The following ASNS variants were observed in gnomAD, a reference collection of about 807,000 sequenced individuals.
ASNS encodes the protein asparagine synthetase (glutamine-hydrolyzing).
Under a neutral mutation model 62.6 loss-of-function variants are expected in ASNS, and 37 were observed. The ratio of observed to expected loss-of-function variants is 0.59; its 90% CI spans 0.45 to 0.78. ASNS has a LOEUF of 0.78. Ranked by LOEUF, ASNS falls within the 30% of genes least tolerant of loss-of-function variation. ASNS has a pLI of 0.00. For missense variants in ASNS, 520 were observed against 682.4 expected, an observed-to-expected ratio of 0.76 and a Z score of 2.65; for synonymous variants, 207 against 237.9, an observed-to-expected ratio of 0.87 and a Z score of 1.19.
At chr7:97,890,809 T>A in the ASNS span, among the ~76,000 whole-genome samples, 1 of 152,288 alleles carries the variant, frequency 6.6e-6, no homozygotes, top group Non-Finnish European at 1.5e-5. Flanking sequence ...AAAGACTGTT[T>A]GTTTGTGTCT....
chr7:97,853,182 A>T lies in ASNS; in HGVS notation c.1354T>A (p.Phe452Ile), dbSNP rs1292720619. 6.2e-7 allele frequency: 1 copy of T among 1,610,130 alleles called. No homozygotes were observed. The highest frequency in any genetic ancestry group is 1.1e-5 in the South Asian group (1 of 90,110). Residue 452 changes from phenylalanine (F) to isoleucine (I), a missense_variant, in exon 12 of 13, where the codon TTT (phenylalanine) becomes ATT (isoleucine). By Grantham distance (21) the Phe-to-Ile change is conservative. Transcript: ENST00000394308. The part of the protein sequence containing the change: ...GIEKHLLRET[F>I]EDSNLIPKEI... The stretch of plus-strand genomic sequence containing the variant: ...TTGGGTATCAGATTGGAATCCTCAA[A>T]CGTCTCTCTCAGGAGATGTTTTTCT...
chr7:97,912,699 C>T, the ASNS span, among the ~76,000 whole-genome samples: 4 of 150,094 alleles, frequency 2.7e-5, no homozygotes, highest in African/African-American at 7.3e-5. Context: ...TCTTGTGCCT[C>T]AGCCTCCTGA....
the ASNS span, among the ~76,000 whole-genome samples, chr7:97,882,972 G>T: frequency 6.6e-6 from 1 of 152,358 alleles, no homozygotes; most frequent in East Asian, 1.9e-4. Flanking sequence ...AGTGGGTTTG[G>T]CTGGAAATGC....
At chr7:97,906,428 T>C in the ASNS span, 1 of 250,058 alleles carries the variant, frequency 4.0e-6, no homozygotes, top group East Asian at 1.4e-4. Flanking sequence ...GTGCATCCAG[T>C]TGATGCCCCC....
the ASNS span, among the ~76,000 whole-genome samples, chr7:97,910,042 T>A: frequency 2.6e-5 from 4 of 152,110 alleles, no homozygotes; most frequent in African/African-American, 9.7e-5. Context: ...CAGACCTGAA[T>A]ACAAGTGATG....
rs148795435 is a variant in ASNS at position 97,853,779 on chromosome 7, G to A, written c.1239-393C>T. Among the ~76,000 whole-genome samples the A allele has an allele frequency of 4.4e-4, 67 of 152,214 alleles. 1 individual carries two copies. The East Asian group carries it at 0.013, about 29-fold the overall frequency. ...CATCTCTTCTAACAATTGTGATGAC[G>A]ATACAGTATTTTTTTGCCACTGATT... On this transcript the variant is annotated intron_variant, in intron 10 of 12. Coordinates refer to ENST00000394308, the MANE Select transcript of ASNS (RefSeq NM_001673.5).
At chr7:97,896,472 T>C in the ASNS span, among the ~76,000 whole-genome samples, 7 of 147,632 alleles carry the variant, frequency 4.7e-5, no homozygotes, top group African/African-American at 1.7e-4. Context: ...TGGGCATCTG[T>C]AGTCCCAGCA....
chr7:97,855,170 T>C (rs1791374454), intron 9 of ASNS, 183 bp downstream of exon 9: 1 of 535,212 alleles, frequency 1.9e-6, no homozygotes, highest in Non-Finnish European at 3.3e-6. Context: ...ATAAAAATTA[T>C]CTGACACATT....
Position 97,855,412 on chromosome 7 carries a change from C to G in ASNS, c.1078G>C (p.Val360Leu). The G allele has an allele frequency of 6.2e-7, 1 of 1,612,496 alleles. No homozygotes were observed. Among genetic ancestry groups the G allele is most frequent in the East Asian group, 2.2e-5 (1 of 44,842 alleles). The change falls in exon 9 of 13, where the codon GTG becomes CTG. Residue 360 changes from valine to leucine, a missense_variant. Val to Leu is a conservative substitution (Grantham distance 32, BLOSUM62 1). Transcript: ENST00000394308. ...TCTGATCCTTCTCCAGAGAAGATCACCACGCTATCTGTGTTCTTCCGAATA... is the reference window on the plus strand; with the variant it reads ...TCTGATCCTTCTCCAGAGAAGATCAGCACGCTATCTGTGTTCTTCCGAATA... The part of the protein sequence containing the change: ...KYIRKNTDSV[V>L]IFSGEGSDEL...
chr7:97,909,839 A>G, the ASNS span, among the ~76,000 whole-genome samples: 1 of 152,170 alleles, frequency 6.6e-6, no homozygotes, highest in African/African-American at 2.4e-5. Context: ...AAATCACATT[A>G]ACTCATGGCA....
the ASNS span, among the ~76,000 whole-genome samples, chr7:97,905,448 A>G: frequency 2.4e-3 from 369 of 152,260 alleles, 3 homozygotes; most frequent in Admixed American, 0.015. Context: ...TCACCATCCA[A>G]CTCTAGGGTA....
chr7:97,891,977 C>T, the ASNS span, among the ~76,000 whole-genome samples: 3 of 152,304 alleles, frequency 2.0e-5, no homozygotes, highest in South Asian at 2.1e-4. Flanking sequence ...GTGGGGGCTC[C>T]GACCCCACAT....
At chr7:97,927,167 C>G in the ASNS span, among the ~76,000 whole-genome samples, 180 of 150,534 alleles carry the variant, frequency 1.2e-3, no homozygotes, top group African/African-American at 4.3e-3. Flanking sequence ...CGATCCTCCC[C>G]CTTCGGCCTC....
rs897877891 is a variant in ASNS at position 97,852,307 on chromosome 7, G to T, written c.1638C>A (p.Asp546Glu). The change falls in exon 13 of 13, where the codon GAC becomes GAA. Residue 546 changes from aspartate (D) to glutamate (E), a missense_variant. Asp to Glu is a conservative substitution (Grantham distance 45). Coordinates refer to ENST00000394308, the MANE Select transcript of ASNS (RefSeq NM_001673.5). Reference sequence around the variant, plus strand: ...AGTGGGTCAGCGTGCGGGCAGAAGGGTCAGTGGCATTGATCCACTTGGGCA... The same window carrying T: ...AGTGGGTCAGCGTGCGGGCAGAAGGTTCAGTGGCATTGATCCACTTGGGCA... ...YWMPKWINAT[D>E]PSARTLTHYK... is the part of the protein sequence containing the mutation. 2.5e-6 allele frequency: 4 copies of T among 1,614,042 alleles called. No individual in the cohort carries two copies. The highest frequency in any genetic ancestry group is 3.4e-6 in the Non-Finnish European group (4 of 1,180,042).
the ASNS span, among the ~76,000 whole-genome samples, chr7:97,900,375 A>AC: frequency 6.6e-6 from 1 of 150,594 alleles, no homozygotes; most frequent in African/African-American, 2.4e-5. Context: ...AAAAAAAAAA[A>AC]AAAAAAAAAC....
chr7:97,889,940 A>AAAAAAAAAAAAAAAAC, the ASNS span, among the ~76,000 whole-genome samples: 1 of 149,426 alleles, frequency 6.7e-6, no homozygotes, highest in African/African-American at 2.4e-5. Context: ...AAAAAAAAAA[A>AAAAAAAAAAAAAAAAC]AAAAAAAAAA....
At chr7:97,886,834 G>A in the ASNS span, among the ~76,000 whole-genome samples, 2 of 152,046 alleles carry the variant, frequency 1.3e-5, no homozygotes, top group African/African-American at 2.4e-5. Context: ...CACTTTAGAA[G>A]GGCAAAGTAC....
chr7:97,859,515 T>TG, intron 4 of ASNS, 117 bp from the exon 5 acceptor site: 1 of 1,119,522 alleles, frequency 8.9e-7, no homozygotes, highest in Non-Finnish European at 1.2e-6. Flanking sequence ...CACATACCCA[T>TG]TAAATAAGCA....
chr7:97,914,151 CATGG>C, the ASNS span, among the ~76,000 whole-genome samples: 32,239 of 124,658 alleles, frequency 0.26, 4,565 homozygotes, highest in African/African-American at 0.37. Flanking sequence ...TGGATGGATG[CATGG>C]ATGGATGGAT....
Sources: allele counts gnomAD v4.1 joint callset (sites outside exome capture counted in the v4.1 genomes callset), GRCh38; gene constraint gnomAD v4.1.1; transcripts MANE v1.5; gene names NCBI Gene and HGNC (gene_info 2026-07-23, HGNC 2026-07-21).